The following COL19A1 variants were observed in gnomAD, a reference collection of about 807,000 sequenced individuals.
The protein encoded by COL19A1 is collagen alpha-1(XIX) chain.
A neutral mutation model predicts 190.2 loss-of-function variants in COL19A1; 159 were observed. That is an observed-to-expected ratio of 0.84 (90% CI 0.73 to 0.95). The LOEUF is 0.95. COL19A1 is among the 40% of genes least tolerant of loss of function. The pLI is 0.00. For missense variants in COL19A1, 1,418 were observed against 1,431.9 expected, an observed-to-expected ratio of 0.99 and a Z score of 0.16; for synonymous variants, 509 against 458.9, an observed-to-expected ratio of 1.11 and a Z score of -1.39.
chr6:69,964,503 C>CA (rs1239532319), intron 11 of COL19A1, among the ~76,000 whole-genome samples: 1 of 152,062 alleles, frequency 6.6e-6, no homozygotes, highest in African/African-American at 2.4e-5. Flanking sequence ...TTAAAGTCAC[C>CA]AATACACTAA....
intron 48 of COL19A1, among the ~76,000 whole-genome samples, chr6:70,193,857 T>C (rs2150300848): frequency 6.6e-6 from 1 of 152,344 alleles, no homozygotes; most frequent in East Asian, 1.9e-4. Context: ...CCATGGCTTC[T>C]GAACACCATT....
chr6:69,929,657 G>A lies in COL19A1; in HGVS notation c.623G>A (p.Arg208Gln), dbSNP rs2229798. Residue 208 changes from arginine (R) to glutamine (Q), a missense_variant, in exon 6 of 51, where the codon CGG becomes CAG. By Grantham distance (43) the Arg-to-Gln change is conservative (BLOSUM62 1). Coordinates refer to ENST00000620364, the MANE Select transcript of COL19A1 (RefSeq NM_001858.6). ...AAGGACACTGTGGATTTCCATGGAC[G>A]GACAGTTATTGCTACGCGAGCTTCA... Reference protein sequence around the residue: ...DEKDTVDFHGRTVIATRASDG... With the variant: ...DEKDTVDFHGQTVIATRASDG... 31 of 1,613,780 alleles carry A rather than the reference G, an allele frequency of 1.9e-5. No individual in the cohort carries two copies. Among genetic ancestry groups the A allele is most frequent in the East Asian group, 1.1e-4 (5 of 44,872 alleles).
intron 2 of COL19A1, among the ~76,000 whole-genome samples, chr6:69,887,521 C>G (rs1045955759): frequency 6.6e-6 from 1 of 152,184 alleles, no homozygotes; most frequent in African/African-American, 2.4e-5. Context: ...AATACACATT[C>G]TCAAAACCCA....
At chr6:70,112,182 G>A (rs1169216546) in intron 16 of COL19A1, among the ~76,000 whole-genome samples, 1 of 152,128 alleles carries the variant, frequency 6.6e-6, no homozygotes, top group Non-Finnish European at 1.5e-5. Context: ...GTCAAACAAG[G>A]GGATGGAGGC....
At chr6:69,884,783 ATTTTC>A (rs1768801580) in intron 2 of COL19A1, among the ~76,000 whole-genome samples, 8 of 151,462 alleles carry the variant, frequency 5.3e-5, no homozygotes, top group Admixed American at 5.3e-4. Context: ...TAAAGTATGT[ATTTTC>A]TTTGTAGGTA....
At chr6:69,922,073 C>T (rs947113204) in intron 4 of COL19A1, among the ~76,000 whole-genome samples, 1 of 152,028 alleles carries the variant, frequency 6.6e-6, no homozygotes, top group African/African-American at 2.4e-5. Context: ...AGAAACTATT[C>T]TGTGTCACGT....
intron 2 of COL19A1, chr6:69,891,203 C>CAA (rs776456756): frequency 0.12 from 12,462 of 104,964 alleles, 633 homozygotes; most frequent in East Asian, 0.24. Context: ...ACCCAGCTAG[C>CAA]AAAAAAAAAA....
At chr6:70,016,727 G>C (rs1051255677) in intron 11 of COL19A1, among the ~76,000 whole-genome samples, 6 of 151,670 alleles carry the variant, frequency 4.0e-5, no homozygotes, top group Non-Finnish European at 8.8e-5. Context: ...GATTTAAATA[G>C]ATGATTCTTC....
chr6:69,920,657 T>C (rs1286001020), intron 4 of COL19A1, among the ~76,000 whole-genome samples: 2 of 151,864 alleles, frequency 1.3e-5, no homozygotes, highest in African/African-American at 4.8e-5. Flanking sequence ...ATTTTGTTAA[T>C]CTGATATACT....
intron 10 of COL19A1, among the ~76,000 whole-genome samples, chr6:69,961,991 G>A: frequency 6.6e-6 from 1 of 152,120 alleles, no homozygotes; most frequent in Middle Eastern, 3.2e-3. Flanking sequence ...TCCTGTCTCT[G>A]TGCACTCAGG....
At chr6:69,989,553 C>CTTTTTTTTTTTTT (rs3072698) in intron 11 of COL19A1, among the ~76,000 whole-genome samples, 6 of 126,354 alleles carry the variant, frequency 4.7e-5, no homozygotes, top group African/African-American at 1.3e-4. Context: ...GAGTTTTTTA[C>CTTTTTTTTTTTTT]TTTTTTTTTT....
At chr6:69,932,474 G>T (rs1013237751) in intron 6 of COL19A1, among the ~76,000 whole-genome samples, 1 of 151,416 alleles carries the variant, frequency 6.6e-6, no homozygotes, top group Non-Finnish European at 1.5e-5. Context: ...CTTTACTGTA[G>T]TGTAAAACAA....
chr6:70,199,619 G>C lies in COL19A1; in HGVS notation c.3106G>C (p.Val1036Leu), dbSNP rs766671531. The C allele has an allele frequency of 1.3e-6, 2 of 1,598,096 alleles. No individual in the cohort carries two copies. Among genetic ancestry groups the C allele is most frequent in the Admixed American group, 1.7e-5 (1 of 58,936 alleles). ...TTCTATACATGAAGAGAGGATGGCTGTATTCCTATCCCAGCTCAAGCTGCC... is the reference window on the plus strand; with the variant it reads ...TTCTATACATGAAGAGAGGATGGCTCTATTCCTATCCCAGCTCAAGCTGCC... The part of the protein sequence containing the change: ...VLRIFEERMA[V>L]FLSQLKLPAA... The change falls in exon 49 of 51, where the codon GTA becomes CTA. Residue 1036 changes from valine (V) to leucine (L), a missense_variant. Physicochemically the swap from Val to Leu is conservative, Grantham distance 32. Coordinates refer to ENST00000620364, the MANE Select transcript of COL19A1 (RefSeq NM_001858.6).
At chr6:70,126,544 C>T (rs1227265025) in intron 17 of COL19A1, among the ~76,000 whole-genome samples, 1 of 152,210 alleles carries the variant, frequency 6.6e-6, no homozygotes, top group African/African-American at 2.4e-5. Context: ...TTTCATGACC[C>T]TCCACACTTG....
At chr6:70,200,289 A>C (rs1437576832) in intron 49 of COL19A1, among the ~76,000 whole-genome samples, 1 of 152,242 alleles carries the variant, frequency 6.6e-6, no homozygotes, top group African/African-American at 2.4e-5. Flanking sequence ...CTTAAAACCC[A>C]ACTTATATTG....
chr6:70,145,086 A>G (rs1444230963), intron 25 of COL19A1, 79 bp downstream of exon 25: 1 of 1,037,512 alleles, frequency 9.6e-7, no homozygotes, highest in Admixed American at 2.0e-5. Context: ...TTCAGATCAC[A>G]AGTATGGGAA....
At chr6:70,168,737 G>C in intron 40 of COL19A1, 56 bp downstream of exon 40, 1 of 1,595,544 alleles carries the variant, frequency 6.3e-7, no homozygotes, top group Non-Finnish European at 8.6e-7. Flanking sequence ...GTTAAATTTT[G>C]AAAGAAAAGC....
chr6:69,930,128 C>G (rs1772659686), intron 6 of COL19A1, among the ~76,000 whole-genome samples: 1 of 152,112 alleles, frequency 6.6e-6, no homozygotes, highest in Non-Finnish European at 1.5e-5. Context: ...CTTACAATAG[C>G]AATTACTTTG....
chr6:69,878,381 T>A (rs992203754), intron 1 of COL19A1, among the ~76,000 whole-genome samples: 1 of 151,526 alleles, frequency 6.6e-6, no homozygotes, highest in African/African-American at 2.4e-5. Flanking sequence ...GCCTGACTAA[T>A]TTTTTTATAT....
Sources: allele counts gnomAD v4.1 joint callset (sites outside exome capture counted in the v4.1 genomes callset), GRCh38; gene constraint gnomAD v4.1.1; transcripts MANE v1.5; gene names NCBI Gene and HGNC (gene_info 2026-07-23, HGNC 2026-07-21).